Variants in RIN2 observed in about 807,000 individuals in gnomAD.
The protein encoded by RIN2 is RAB5 interacting protein 2.
RIN2 carries 36 observed loss-of-function variants against 78.0 expected under a neutral mutation model. The ratio of observed to expected loss-of-function variants is 0.46; its 90% CI spans 0.35 to 0.61. The LOEUF is 0.61. Among genes scored for constraint, RIN2 ranks in the 20% least tolerant of loss-of-function variants. The pLI is 0.00. For missense variants in RIN2, 1,087 were observed against 1,159.7 expected, an observed-to-expected ratio of 0.94 and a Z score of 0.91; for synonymous variants, 466 against 466.8, an observed-to-expected ratio of 1.00 and a Z score of 0.02.
intron 1 of RIN2, among the ~76,000 whole-genome samples, chr20:19,781,587 C>T (rs1264672191): frequency 6.6e-6 from 1 of 152,166 alleles, no homozygotes; most frequent in Non-Finnish European, 1.5e-5. Context: ...ACCACCACAG[C>T]TGGCTAATTT....
At chr20:19,764,920 T>TTTTTTTTTTG (rs2033811921) in intron 1 of RIN2, among the ~76,000 whole-genome samples, 1 of 78,750 alleles carries the variant, frequency 1.3e-5, no homozygotes, top group African/African-American at 4.7e-5. Context: ...CTTTCTGCGT[T>TTTTTTTTTTG]TTTTTTTTTT....
chr20:20,000,642 CA>C lies in RIN2; in HGVS notation c.2396del (p.Asn799ThrfsTer11), dbSNP rs2146439245. ...ACCTCCGAGTTGCATTTCAGGAGGT[CA>C]ACAGTGGTTGCACAGGAAAGACCCT... ...NYLRVAFQEV[N>X]SGCTGKTLLV... On this transcript the variant is annotated frameshift_variant, in exon 13 of 13. Coordinates refer to ENST00000255006, the MANE Select transcript of RIN2 (RefSeq NM_018993.4). LOFTEE classifies it high-confidence loss of function. The C allele has an allele frequency of 6.2e-7, 1 of 1,605,382 alleles. No individual in the cohort carries two copies. Among genetic ancestry groups the C allele is most frequent in the Non-Finnish European group, 8.5e-7 (1 of 1,173,048 alleles).
chr20:19,860,042 T>G (rs2037285776), intron 2 of RIN2, among the ~76,000 whole-genome samples: 1 of 152,184 alleles, frequency 6.6e-6, no homozygotes. Flanking sequence ...GAGCACAAGC[T>G]TCAGAGTCAC....
intron 3 of RIN2, among the ~76,000 whole-genome samples, chr20:19,922,403 C>A: frequency 6.6e-6 from 1 of 152,226 alleles, no homozygotes; most frequent in Middle Eastern, 3.4e-3. Context: ...GTGTGAGAGG[C>A]CCCCTCTGGC....
At chr20:19,922,984 G>T (rs1200489042) in intron 3 of RIN2, among the ~76,000 whole-genome samples, 1 of 152,336 alleles carries the variant, frequency 6.6e-6, no homozygotes. Flanking sequence ...AACCTTGGAC[G>T]CAGCCTTCAT....
At chr20:19,903,196 G>T (rs2039064120) in intron 3 of RIN2, among the ~76,000 whole-genome samples, 1 of 152,206 alleles carries the variant, frequency 6.6e-6, no homozygotes, top group East Asian at 1.9e-4. Flanking sequence ...GTCAGGAAGT[G>T]AGGGTAATTT....
At chr20:19,794,354 G>A (rs1036850097) in intron 1 of RIN2, among the ~76,000 whole-genome samples, 5 of 151,988 alleles carry the variant, frequency 3.3e-5, no homozygotes, top group Non-Finnish European at 5.9e-5. Context: ...TCAAGAGTTC[G>A]AGCCCAGCCT....
rs58947389 is a variant in RIN2 at position 19,865,488 on chromosome 20, C to CTTTTT, written c.-36-24067_-36-24063dup. ...TCATTTTAAAAGTTATACTTTCTTT[C>CTTTTT]TTTTTTTTTTTTTTTGGCAACAGTG... On this transcript the variant is annotated intron_variant, in intron 2 of 12. Coordinates refer to ENST00000255006, the MANE Select transcript of RIN2 (RefSeq NM_018993.4). Among the ~76,000 whole-genome samples the CTTTTT allele has an allele frequency of 8.5e-4, 116 of 135,854 alleles. 1 individual carries two copies. Among genetic ancestry groups the CTTTTT allele is most frequent in the Non-Finnish European group, 1.4e-3 (91 of 64,532 alleles). 89.1% of individuals were successfully genotyped at this position (135,854 alleles called of 152,430 possible).
At chr20:19,998,817 AGCCATC>A (rs932418569) in intron 12 of RIN2, among the ~76,000 whole-genome samples, 4 of 152,276 alleles carry the variant, frequency 2.6e-5, no homozygotes, top group African/African-American at 9.6e-5. Flanking sequence ...GCCATCATAT[AGCCATC>A]CAGGGAGGGG....
chr20:19,762,705 G>A (rs1465009685), intron 1 of RIN2, among the ~76,000 whole-genome samples: 4 of 152,248 alleles, frequency 2.6e-5, no homozygotes, highest in South Asian at 2.1e-4. Context: ...ACATGTCATC[G>A]TGCTGTGCGA....
At chr20:19,939,338 G>A (rs371026906) in intron 4 of RIN2, among the ~76,000 whole-genome samples, 131 of 152,174 alleles carry the variant, frequency 8.6e-4, no homozygotes, top group Middle Eastern at 6.8e-3. Context: ...ATGAGCCACC[G>A]TGCTTGGCCT....
chr20:19,983,993 T>A (rs2042546219), intron 9 of RIN2, among the ~76,000 whole-genome samples: 1 of 152,048 alleles, frequency 6.6e-6, no homozygotes, highest in African/African-American at 2.4e-5. Flanking sequence ...ACTCATCATT[T>A]ACATTAGGTA....
chr20:19,759,239 C>T (rs1240614979), intron 1 of RIN2, among the ~76,000 whole-genome samples: 1 of 152,194 alleles, frequency 6.6e-6, no homozygotes, highest in Admixed American at 6.5e-5. Flanking sequence ...CTTCTCAGAG[C>T]TCTTAAATCC....
rs554905641 is a variant in RIN2 at position 19,858,164 on chromosome 20, T to A, written c.-36-31402T>A. 3.9e-5 allele frequency among the ~76,000 whole-genome samples: 6 copies of A among 152,318 alleles called. No individual in the cohort carries two copies. In the East Asian group the frequency reaches 1.2e-3, roughly 29 times the overall value. ...AAGATGGCTTGAGTTTTTTATGTCC[T>A]GTTTAAGACATTTTTGCCTACTCCT... On this transcript the variant is annotated intron_variant, in intron 2 of 12. Coordinates refer to ENST00000255006, the MANE Select transcript of RIN2 (RefSeq NM_018993.4).
At chr20:19,781,817 T>C (rs1471731130) in intron 1 of RIN2, among the ~76,000 whole-genome samples, 1 of 151,618 alleles carries the variant, frequency 6.6e-6, no homozygotes, top group Non-Finnish European at 1.5e-5. Context: ...TATTTCCAGG[T>C]ATCCATCTGT....
chr20:19,889,574 G>T lies in RIN2; in HGVS notation c.-28G>T, dbSNP rs768939781. Reference sequence around the variant, plus strand: ...AATGTCTCTACCTTCAGGAGTCCCCGGCGTGCAGTGGAGCCTCGCTGGGGG... The same window carrying T: ...AATGTCTCTACCTTCAGGAGTCCCCTGCGTGCAGTGGAGCCTCGCTGGGGG... On this transcript the variant is annotated 5_prime_UTR_variant, in exon 3 of 13. Transcript: ENST00000255006. 1 of 1,548,692 alleles carries T rather than the reference G, an allele frequency of 6.5e-7. No homozygotes were observed.
rs371774105 is a variant in RIN2, at chr20:19,873,821, T to A, written c.-36-15745T>A. 3.9e-5 allele frequency among the ~76,000 whole-genome samples: 6 copies of A among 152,352 alleles called. No homozygotes were observed. In the East Asian group the frequency reaches 1.2e-3, roughly 29 times the overall value. On this transcript the variant is annotated intron_variant, in intron 2 of 12. Transcript: ENST00000255006. The stretch of plus-strand genomic sequence containing the variant: ...GAATTGAAAATACAGTTGATCCTCA[T>A]TATTTGTGAATTCTGTATTTGCAAA...
At chr20:19,820,489 G>A (rs984519662) in intron 2 of RIN2, among the ~76,000 whole-genome samples, 2 of 152,166 alleles carry the variant, frequency 1.3e-5, no homozygotes, top group African/African-American at 4.8e-5. Flanking sequence ...AAGTGTGGGC[G>A]AGGGGTCTGG....
intron 12 of RIN2, 23 bp from the exon 13 acceptor site, chr20:20,000,590 C>A: frequency 6.4e-7 from 1 of 1,566,856 alleles, no homozygotes; most frequent in Non-Finnish European, 8.7e-7. Flanking sequence ...CTGACTGTCT[C>A]AACATTCCTC....
Sources: gnomAD v4.1 joint callset for allele counts (sites outside exome capture counted in the v4.1 genomes callset) on GRCh38, gnomAD v4.1.1 for gene constraint, MANE v1.5 for transcripts, NCBI Gene and HGNC (gene_info 2026-07-23, HGNC 2026-07-21) for gene names.